Variants in CCSER1 observed in about 807,000 individuals in gnomAD.
CCSER1 encodes the protein serine-rich coiled-coil domain-containing protein 1.
Under a neutral mutation model 82.0 loss-of-function variants are expected in CCSER1, and 41 were observed. The ratio of observed to expected loss-of-function variants is 0.50; its 90% CI spans 0.39 to 0.65. The LOEUF (loss-of-function observed/expected upper bound fraction) is 0.65, where lower values mean the gene tolerates loss of function less well. Among genes scored for constraint, CCSER1 ranks in the 30% least tolerant of loss-of-function variants. The pLI, the probability that CCSER1 is intolerant of heterozygous loss-of-function variation, is 0.00. For synonymous variants in CCSER1, 414 were observed against 383.9 expected (o/e 1.08, Z -0.92); for missense variants, 1,119 against 1,064.2 (o/e 1.05, Z -0.72).
intron 6 of CCSER1, among the ~76,000 whole-genome samples, chr4:90,710,581 TA>T: frequency 6.6e-6 from 1 of 152,128 alleles, no homozygotes; most frequent in Non-Finnish European, 1.5e-5. Flanking sequence ...ATTTATTAAG[TA>T]GGGAGTCCTT....
intron 10 of CCSER1, among the ~76,000 whole-genome samples, chr4:91,441,041 A>C (rs1578463313): frequency 6.6e-6 from 1 of 152,198 alleles, no homozygotes; most frequent in East Asian, 1.9e-4. Flanking sequence ...TACCAGAGGT[A>C]CAAGGAGGAA....
In CCSER1 at chr4:91,144,394, T is replaced by C. The variant is rs573286649; in HGVS notation, c.2217+58400T>C. On this transcript the variant is annotated intron_variant, in intron 10 of 10. Coordinates refer to ENST00000509176, the MANE Select transcript of CCSER1 (RefSeq NM_001145065.2). ...GATAACATTCTATAGACCTCATTTA[T>C]TCTTTCAAAGAACCAATTTTTATTT... Among the ~76,000 whole-genome samples the C allele has an allele frequency of 6.6e-5, 10 of 152,180 alleles. No individual in the cohort carries two copies. In the South Asian group the frequency reaches 1.4e-3, roughly 22 times the overall value.
chr4:90,780,750 A>G (rs1753656420), intron 7 of CCSER1: 2 of 1,229,358 alleles, frequency 1.6e-6, no homozygotes, highest in South Asian at 5.9e-5. Context: ...CTTTATTAAA[A>G]TGGTTTGTAA....
chr4:91,268,570 C>G (rs1490571501), intron 10 of CCSER1, among the ~76,000 whole-genome samples: 1 of 152,114 alleles, frequency 6.6e-6, no homozygotes, highest in Non-Finnish European at 1.5e-5. Context: ...CCAGTGAAGA[C>G]ACCACCAAAC....
intron 8 of CCSER1, among the ~76,000 whole-genome samples, chr4:90,902,411 G>C (rs950884830): frequency 2.0e-5 from 3 of 151,992 alleles, no homozygotes; most frequent in African/African-American, 7.2e-5. Context: ...TCATCTAAGG[G>C]AGATGTACCT....
chr4:90,338,106 G>A (rs1163238377), intron 3 of CCSER1, among the ~76,000 whole-genome samples: 1 of 152,138 alleles, frequency 6.6e-6, no homozygotes, highest in Non-Finnish European at 1.5e-5. Context: ...TTGACTCTTT[G>A]TTCTTAAAAC....
chr4:91,163,121 G>C (rs991892786), intron 10 of CCSER1, among the ~76,000 whole-genome samples: 3 of 152,128 alleles, frequency 2.0e-5, no homozygotes, highest in Non-Finnish European at 2.9e-5. Flanking sequence ...CAGAGATTCT[G>C]GTATGTTGTG....
intron 10 of CCSER1, among the ~76,000 whole-genome samples, chr4:91,305,167 T>C (rs1028337540): frequency 3.4e-4 from 51 of 152,214 alleles, no homozygotes; most frequent in African/African-American, 1.1e-3. Context: ...CTTTTCAAGT[T>C]ATTAGATTGT....
At chr4:91,268,082 A>G (rs1394724029) in intron 10 of CCSER1, among the ~76,000 whole-genome samples, 3 of 152,232 alleles carry the variant, frequency 2.0e-5, no homozygotes, top group African/African-American at 7.2e-5. Context: ...CGCATACCTC[A>G]ATTAAATGTT....
intron 5 of CCSER1, among the ~76,000 whole-genome samples, chr4:90,550,660 A>G (rs1260355780): frequency 6.6e-6 from 1 of 152,240 alleles, no homozygotes; most frequent in Non-Finnish European, 1.5e-5. Flanking sequence ...CCTTACAAGT[A>G]TAGATATAAT....
At chr4:90,172,308 A>G (rs561279176) in intron 1 of CCSER1, among the ~76,000 whole-genome samples, 22 of 152,040 alleles carry the variant, frequency 1.4e-4, no homozygotes, top group Non-Finnish European at 2.4e-4. Flanking sequence ...AGATATACCC[A>G]GAGAAAGTTG....
At chr4:91,130,372 T>G (rs964231747) in intron 10 of CCSER1, among the ~76,000 whole-genome samples, 3 of 151,916 alleles carry the variant, frequency 2.0e-5, no homozygotes, top group African/African-American at 7.2e-5. Context: ...ACTCTCCAAC[T>G]TACACCTAAA....
At chr4:91,333,553 G>T (rs1747104281) in intron 10 of CCSER1, among the ~76,000 whole-genome samples, 1 of 151,856 alleles carries the variant, frequency 6.6e-6, no homozygotes, top group South Asian at 2.1e-4. Flanking sequence ...CTGCATATTG[G>T]GTTGCACCTC....
At chr4:91,573,937 T>A (rs1763313323) in intron 10 of CCSER1, among the ~76,000 whole-genome samples, 1 of 152,096 alleles carries the variant, frequency 6.6e-6, no homozygotes, top group Admixed American at 6.6e-5. Context: ...TAAAATACTT[T>A]AGCATAAATT....
intron 10 of CCSER1, among the ~76,000 whole-genome samples, chr4:91,530,002 C>T (rs1316088561): frequency 6.6e-6 from 1 of 152,034 alleles, no homozygotes. Flanking sequence ...AACACTGAAA[C>T]TTGTGCAGAT....
intron 10 of CCSER1, among the ~76,000 whole-genome samples, chr4:91,450,307 A>G (rs1293544434): frequency 1.3e-5 from 2 of 152,094 alleles, no homozygotes; most frequent in Non-Finnish European, 2.9e-5. Context: ...AAAAAAAACC[A>G]TCAAAACAAG....
chr4:91,547,945 C>A (rs1336779895), intron 10 of CCSER1, among the ~76,000 whole-genome samples: 6 of 151,940 alleles, frequency 3.9e-5, no homozygotes, highest in African/African-American at 1.5e-4. Context: ...CCATGCCCAG[C>A]TAACTTTTTG....
Position 90,932,942 on chromosome 4 carries a change from GAAA to G in CCSER1, c.2172+9496_2172+9498del, listed in dbSNP as rs1561384237. On this transcript the variant is annotated intron_variant, in intron 9 of 10. Coordinates refer to ENST00000509176, the MANE Select transcript of CCSER1 (RefSeq NM_001145065.2). ...AGAAAGAAAGAAAGAAAGAAAGAAAGAAAGAAAGAAAGAAAGAAAGAAAGAAAG... is the reference window on the plus strand; with the variant it reads ...AGAAAGAAAGAAAGAAAGAAAGAAAGGAAAGAAAGAAAGAAAGAAAGAAAG... 3.0e-4 allele frequency among the ~76,000 whole-genome samples: 9 copies of G among 29,642 alleles called. 3 individuals are homozygous for G. The highest frequency in any genetic ancestry group is 2.4e-3 in the African/African-American group (9 of 3,802). 19.4% of individuals were successfully genotyped at this position (29,642 alleles called of 152,430 possible).
intron 10 of CCSER1, among the ~76,000 whole-genome samples, chr4:91,536,072 G>C (rs989188801): frequency 8.6e-5 from 13 of 151,996 alleles, no homozygotes; most frequent in African/African-American, 3.1e-4. Context: ...GTTTTCAGAA[G>C]GATCACAGTT....
Sources: gnomAD v4.1 joint callset for allele counts (sites outside exome capture counted in the v4.1 genomes callset) on GRCh38, gnomAD v4.1.1 for gene constraint, MANE v1.5 for transcripts, NCBI Gene and HGNC (gene_info 2026-07-23, HGNC 2026-07-21) for gene names.